Variants in SEC22A observed in about 807,000 individuals in gnomAD.
The protein encoded by SEC22A is vesicle-trafficking protein SEC22a.
A neutral mutation model predicts 35.3 loss-of-function variants in SEC22A; 22 were observed. That is an observed-to-expected ratio of 0.62 (90% CI 0.45 to 0.89). The LOEUF (loss-of-function observed/expected upper bound fraction) is 0.89. Among genes scored for constraint, SEC22A ranks in the 40% least tolerant of loss-of-function variants. The pLI, the probability that SEC22A is intolerant of heterozygous loss-of-function variation, is 0.00. For missense variants in SEC22A, 354 were observed against 362.5 expected (o/e 0.98, Z 0.19); for synonymous variants, 119 against 129.5 (o/e 0.92, Z 0.55).
At chr3:123,262,747 TATA>T (rs1937921381) in intron 6 of SEC22A, among the ~76,000 whole-genome samples, 1 of 152,230 alleles carries the variant, frequency 6.6e-6, no homozygotes, top group African/African-American at 2.4e-5. Flanking sequence ...ATTTTCAACT[TATA>T]ATGAGTATAT....
chr3:123,271,226 A>C (rs2108115527), intron 6 of SEC22A, among the ~76,000 whole-genome samples: 1 of 152,286 alleles, frequency 6.6e-6, no homozygotes, highest in Middle Eastern at 3.4e-3. Flanking sequence ...ACCATGGGGA[A>C]TTTGCTCAGC....
chr3:123,219,664 G>A (rs376238496), intron 2 of SEC22A, among the ~76,000 whole-genome samples: 1 of 152,180 alleles, frequency 6.6e-6, no homozygotes, highest in East Asian at 1.9e-4. Flanking sequence ...AAACTACGTG[G>A]TGCTATTACT....
intron 1 of SEC22A, among the ~76,000 whole-genome samples, chr3:123,205,490 C>A (rs1936835718): frequency 6.6e-6 from 1 of 152,058 alleles, no homozygotes; most frequent in Admixed American, 6.6e-5. Context: ...GAATTTGAGA[C>A]CAGCCTGGCC....
rs1032217460 is a variant in SEC22A, at chr3:123,229,597, C to T, written c.541+4300C>T. Among the ~76,000 whole-genome samples, 23 of 152,336 alleles carry T rather than the reference C, an allele frequency of 1.5e-4. 1 individual carries two copies. Among genetic ancestry groups the T allele is most frequent in the Middle Eastern group, 3.4e-3 (1 of 294 alleles). ...GGAAATTCTTGGCTGCATGTTGTGG[C>T]TTACGCCTGTAATCCCAACACTTTG... On this transcript the variant is annotated intron_variant, in intron 4 of 6. Transcript: ENST00000492595.
At chr3:123,261,956 T>G (rs1306797573) in intron 6 of SEC22A, among the ~76,000 whole-genome samples, 1 of 152,182 alleles carries the variant, frequency 6.6e-6, no homozygotes, top group Admixed American at 6.5e-5. Flanking sequence ...TTGAGAGAAG[T>G]AAACAAATTC....
At chr3:123,271,180 C>A (rs1251052387) in intron 6 of SEC22A, among the ~76,000 whole-genome samples, 1 of 152,172 alleles carries the variant, frequency 6.6e-6, no homozygotes. Flanking sequence ...GAATGGAACA[C>A]CCGCAGACCC....
rs200858221 is a variant in SEC22A, at chr3:123,260,829, TTTTC to T, written c.723+1244_723+1247del. ...GGCCTCATTTTTTAAAATCACTTGA[TTTTC>T]TTTTTCTTTTTTTTTTTTTTTTGAC... is the stretch of plus-strand genomic sequence containing the variant. On this transcript the variant is annotated intron_variant, in intron 6 of 6. Transcript: ENST00000492595. Among the ~76,000 whole-genome samples, 1,220 of 135,106 alleles carry T rather than the reference TTTTC, an allele frequency of 9.0e-3. 12 individuals carry two copies. Among genetic ancestry groups the T allele is most frequent in the Non-Finnish European group, 0.013 (828 of 63,388 alleles). The allele number at this position is 135,106 out of a possible 152,430, so 88.6% of individuals were successfully genotyped here.
chr3:123,269,179 ATGTGTGTGTGTGTG>A (rs200267944), intron 6 of SEC22A, among the ~76,000 whole-genome samples: 4 of 120,666 alleles, frequency 3.3e-5, no homozygotes, highest in East Asian at 4.5e-4. Context: ...AATTAAATAT[ATGTGTGTGTGTGTG>A]TGTGTGTGTG....
intron 4 of SEC22A, among the ~76,000 whole-genome samples, chr3:123,242,637 T>C (rs1162225753): frequency 6.6e-6 from 1 of 152,222 alleles, no homozygotes; most frequent in Non-Finnish European, 1.5e-5. Flanking sequence ...AACTTCCTAA[T>C]GTAGAACTGT....
chr3:123,221,454 G>A (rs1263661555), intron 2 of SEC22A, among the ~76,000 whole-genome samples: 14 of 115,952 alleles, frequency 1.2e-4, no homozygotes, highest in Non-Finnish European at 2.3e-4. Context: ...CTGGGTGACA[G>A]AGCAAGAGTC....
chr3:123,220,869 TATATATATATACATATATA>T (rs1307866976), intron 2 of SEC22A, among the ~76,000 whole-genome samples: 2 of 116,670 alleles, frequency 1.7e-5, no homozygotes, highest in East Asian at 4.2e-4. Context: ...AAAGGTCTCA[TATATATATATACATATATA>T]TATATATATG....
At chr3:123,222,260 G>A (rs1353443525) in intron 2 of SEC22A, among the ~76,000 whole-genome samples, 4 of 151,708 alleles carry the variant, frequency 2.6e-5, no homozygotes, top group Admixed American at 1.3e-4. Context: ...GTGCAATGGC[G>A]CAATCTCGGC....
intron 5 of SEC22A, among the ~76,000 whole-genome samples, chr3:123,258,572 T>G (rs1347740445): frequency 6.6e-6 from 1 of 152,184 alleles, no homozygotes; most frequent in African/African-American, 2.4e-5. Flanking sequence ...TTTAAGATCT[T>G]CTCACTAGGA....
chr3:123,218,615 AG>A (rs1380211782), intron 2 of SEC22A, among the ~76,000 whole-genome samples: 50 of 152,314 alleles, frequency 3.3e-4, no homozygotes, highest in African/African-American at 1.1e-3. Flanking sequence ...GACATGTCGA[AG>A]ATTCACTGAC....
At position 123,221,470 on chromosome 3, in the gene SEC22A, C is replaced by CAAA. The variant is rs56800842; in HGVS notation, c.183-2067_183-2065dup. Among the ~76,000 whole-genome samples, 239 of 60,396 alleles carry CAAA rather than the reference C, an allele frequency of 4.0e-3. 7 individuals carry two copies. The highest frequency in any genetic ancestry group is 9.0e-3 in the African/African-American group (132 of 14,612). 39.6% of individuals were successfully genotyped at this position (60,396 alleles called of 152,430 possible). ...TGGGTGACAGAGCAAGAGTCCATCT[C>CAAA]AAAAAAAAAAAAAAAAAAAAAAAAG... On this transcript the variant is annotated intron_variant, in intron 2 of 6. Transcript: ENST00000492595.
chr3:123,262,752 T>C (rs1937921798), intron 6 of SEC22A, among the ~76,000 whole-genome samples: 1 of 152,236 alleles, frequency 6.6e-6, no homozygotes, highest in Admixed American at 6.5e-5. Context: ...CAACTTATAA[T>C]GAGTATATCA....
chr3:123,255,572 C>T (rs1186555505), intron 5 of SEC22A, among the ~76,000 whole-genome samples: 1 of 152,182 alleles, frequency 6.6e-6, no homozygotes, highest in East Asian at 1.9e-4. Context: ...TCCCAACTTT[C>T]TTCCTCAGAG....
At chr3:123,265,688 C>G (rs188010754) in intron 6 of SEC22A, among the ~76,000 whole-genome samples, 4 of 151,972 alleles carry the variant, frequency 2.6e-5, no homozygotes, top group Non-Finnish European at 4.4e-5. Context: ...TTATATTTTA[C>G]GTTTGTGATC....
At chr3:123,249,452 G>A (rs1937592933) in intron 5 of SEC22A, among the ~76,000 whole-genome samples, 1 of 152,024 alleles carries the variant, frequency 6.6e-6, no homozygotes, top group Non-Finnish European at 1.5e-5. Context: ...AATAAAAGAT[G>A]CTCTTATTAC....
Sources: gnomAD v4.1 joint callset for allele counts (sites outside exome capture counted in the v4.1 genomes callset) on GRCh38, gnomAD v4.1.1 for gene constraint, MANE v1.5 for transcripts, NCBI Gene and HGNC (gene_info 2026-07-23, HGNC 2026-07-21) for gene names.